The following TBC1D9B variants were observed in gnomAD, a reference collection of about 807,000 sequenced individuals.
TBC1D9B encodes TBC1 domain family, member 9B (with GRAM domain).
A neutral mutation model predicts 121.1 loss-of-function variants in TBC1D9B; 87 were observed. The ratio of observed to expected loss-of-function variants is 0.72; its 90% CI spans 0.60 to 0.86. The LOEUF is 0.86. Ranked by LOEUF, TBC1D9B falls within the 40% of genes least tolerant of loss-of-function variation. The pLI is 0.00. For missense variants in TBC1D9B, 1,540 were observed against 1,628.6 expected (o/e 0.95, Z 0.94); for synonymous variants, 668 against 670.1 (o/e 1.00, Z 0.05).
chr5:179,877,664 CA>C (rs564753950), intron 10 of TBC1D9B, among the ~76,000 whole-genome samples: 2,388 of 66,696 alleles, frequency 0.036, 21 homozygotes, highest in South Asian at 0.069. Context: ...GATTCTATCT[CA>C]AAAAAAAAAA....
intron 10 of TBC1D9B, among the ~76,000 whole-genome samples, chr5:179,877,153 G>A (rs941284469): frequency 6.6e-6 from 1 of 151,158 alleles, no homozygotes; most frequent in African/African-American, 2.4e-5. Context: ...GAGAGGCTGA[G>A]GCGGAAAGAT....
Position 179,891,465 on chromosome 5 carries a change from G to A in TBC1D9B, c.958C>T (p.Pro320Ser). Residue 320 changes from proline (P) to serine (S), a missense_variant, in exon 6 of 21, where the codon CCT becomes TCT. Transcript: ENST00000355235. This position sits in a 1 kb window ranked among gnomAD's most constrained non-coding sequence, Gnocchi z 4.3. The stretch of plus-strand genomic sequence containing the variant: ...TTGTTGGAGATGAACATCTGGCCAG[G>A]GATGTGCAGCTTGTTGAACGGCGTC... Reference protein sequence around the residue: ...LWTPFNKLHIPGQMFISNNYI... With the variant: ...LWTPFNKLHISGQMFISNNYI... 4 of 1,614,226 alleles carry A rather than the reference G, an allele frequency of 2.5e-6. No individual in the cohort carries two copies. The highest frequency in any genetic ancestry group is 3.4e-6 in the Non-Finnish European group (4 of 1,180,036).
Sources: gnomAD v4.1 joint callset for allele counts (sites outside exome capture counted in the v4.1 genomes callset) on GRCh38, gnomAD v4.1.1 for gene constraint, Gnocchi (gnomAD v3.1) non-coding constraint, MANE v1.5 for transcripts, NCBI Gene and HGNC (gene_info 2026-07-23, HGNC 2026-07-21) for gene names.